PRKN: variants seen among roughly 807,000 people sequenced by gnomAD.
PRKN encodes the protein parkin RBR E3 ubiquitin protein ligase, also known as E3 ubiquitin-protein ligase parkin.
A neutral mutation model predicts 59.5 loss-of-function variants in PRKN; 56 were observed. That is an observed-to-expected ratio of 0.94 (90% CI 0.76 to 1.18). PRKN has a LOEUF of 1.18. Ranked by LOEUF, PRKN falls within the 50% of genes most tolerant of loss-of-function variation. The pLI is 0.00. For synonymous variants in PRKN, 250 were observed against 222.1 expected (o/e 1.13, Z -1.12); for missense variants, 657 against 596.4 (o/e 1.10, Z -1.06).
At chr6:162,191,583 T>C (rs1784278951) in intron 4 of PRKN, among the ~76,000 whole-genome samples, 1 of 152,224 alleles carries the variant, frequency 6.6e-6, no homozygotes, top group South Asian at 2.1e-4. Flanking sequence ...GCTGGGATTA[T>C]AGGCACATGC....
intron 7 of PRKN, among the ~76,000 whole-genome samples, chr6:161,639,885 C>T (rs1051589407): frequency 1.4e-4 from 21 of 152,316 alleles, no homozygotes; most frequent in African/African-American, 5.1e-4. Context: ...AAATTCTGCT[C>T]TGTGGGGGAC....
At chr6:162,142,904 A>G (rs1038186098) in intron 4 of PRKN, among the ~76,000 whole-genome samples, 3 of 152,256 alleles carry the variant, frequency 2.0e-5, no homozygotes, top group Admixed American at 2.0e-4. Flanking sequence ...CTAGAATTGA[A>G]TAAAAAATTA....
chr6:162,649,774 G>A (rs964089725), intron 1 of PRKN, among the ~76,000 whole-genome samples: 1 of 152,158 alleles, frequency 6.6e-6, no homozygotes, highest in Non-Finnish European at 1.5e-5. Flanking sequence ...ACTGGAACCT[G>A]CCAGCCCTTC....
At chr6:162,726,045 T>G (rs1290041548) in intron 1 of PRKN, among the ~76,000 whole-genome samples, 1 of 152,206 alleles carries the variant, frequency 6.6e-6, no homozygotes, top group African/African-American at 2.4e-5. Context: ...TCCAAAGATA[T>G]TTCTTCCTTA....
At chr6:161,679,418 CCT>C (rs778964919) in intron 7 of PRKN, among the ~76,000 whole-genome samples, 5 of 152,106 alleles carry the variant, frequency 3.3e-5, no homozygotes, top group Non-Finnish European at 7.4e-5. Context: ...GCCTCTGACC[CCT>C]GAGCCACACT....
At chr6:162,506,115 G>A (rs1346937477) in intron 1 of PRKN, among the ~76,000 whole-genome samples, 1 of 152,076 alleles carries the variant, frequency 6.6e-6, no homozygotes, top group African/African-American at 2.4e-5. Flanking sequence ...CAGCTATATG[G>A]AATGAAATCT....
chr6:162,398,647 C>T (rs1212090605), intron 2 of PRKN, among the ~76,000 whole-genome samples: 1 of 152,198 alleles, frequency 6.6e-6, no homozygotes, highest in African/African-American at 2.4e-5. Context: ...GCCTCAGCCT[C>T]CCAAAGTGCT....
chr6:162,024,188 C>A lies in PRKN; in HGVS notation c.618+29903G>T, dbSNP rs529343401. Among the ~76,000 whole-genome samples the A allele has an allele frequency of 2.1e-3, 295 of 141,816 alleles. 4 individuals carry two copies. Among genetic ancestry groups the A allele is most frequent in the African/African-American group, 7.3e-3 (275 of 37,904 alleles). The allele number at this position is 141,816 out of a possible 152,430, so 93.0% of individuals were successfully genotyped here. ...GTCCCTCCCTTCCTCCCTCCCTCCC[C>A]CAACCCTTTTTTTTTTTTTTTTTTT... is the stretch of plus-strand genomic sequence containing the variant. On this transcript the variant is annotated intron_variant, in intron 5 of 11. Transcript: ENST00000366898.
intron 1 of PRKN, among the ~76,000 whole-genome samples, chr6:162,619,398 G>A (rs761185873): frequency 2.3e-4 from 35 of 151,800 alleles, no homozygotes; most frequent in Non-Finnish European, 4.7e-4. Context: ...CGCCCGCCTC[G>A]GCCTCCCAAA....
chr6:162,475,931 T>G (rs1466009969), intron 1 of PRKN, among the ~76,000 whole-genome samples: 1 of 150,826 alleles, frequency 6.6e-6, no homozygotes, highest in Non-Finnish European at 1.5e-5. Context: ...TTTGTATTTT[T>G]AGTAGAGACA....
chr6:162,569,449 C>G, intron 1 of PRKN: 2 of 687,964 alleles, frequency 2.9e-6, no homozygotes, highest in Non-Finnish European at 5.5e-6. Context: ...TTGCCACCTA[C>G]AGGAAGCTGC....
At chr6:161,884,787 T>A (rs1051528894) in intron 6 of PRKN, among the ~76,000 whole-genome samples, 3 of 130,088 alleles carry the variant, frequency 2.3e-5, no homozygotes, top group African/African-American at 5.8e-5. Context: ...GATCTATATA[T>A]GAAATGTACA....
At chr6:161,809,153 T>C (rs1791457931) in intron 6 of PRKN, among the ~76,000 whole-genome samples, 2 of 152,230 alleles carry the variant, frequency 1.3e-5, no homozygotes, top group Non-Finnish European at 2.9e-5. Flanking sequence ...ATCATATTCA[T>C]TTAACTTTAA....
chr6:162,418,074 C>A (rs1369898259), intron 2 of PRKN, among the ~76,000 whole-genome samples: 1 of 152,152 alleles, frequency 6.6e-6, no homozygotes, highest in East Asian at 1.9e-4. Flanking sequence ...ATGGTAGCAT[C>A]ATTCACGATA....
At position 162,081,272 on chromosome 6, in the gene PRKN, C is replaced by A. The variant is rs1779045297; in HGVS notation, c.535-27098G>T. Among the ~76,000 whole-genome samples the A allele has an allele frequency of 2.0e-5, 3 of 152,134 alleles. No homozygotes were observed. In the South Asian group the frequency reaches 6.2e-4, roughly 32 times the overall value. On this transcript the variant is annotated intron_variant, in intron 4 of 11. Coordinates refer to ENST00000366898, the MANE Select transcript of PRKN (RefSeq NM_004562.3). ...TTCCAGAAAGTTTTCAGTTTACTTT[C>A]CCCAGATCCATCAGAGAAATGTAAT...
At chr6:162,061,749 C>T (rs1370181774) in intron 4 of PRKN, among the ~76,000 whole-genome samples, 1 of 152,186 alleles carries the variant, frequency 6.6e-6, no homozygotes, top group African/African-American at 2.4e-5. Context: ...AAATATTCAT[C>T]CACTTACCAA....
chr6:162,440,760 TTC>T (rs781068367), intron 2 of PRKN, among the ~76,000 whole-genome samples: 2 of 152,140 alleles, frequency 1.3e-5, no homozygotes, highest in Admixed American at 6.5e-5. Flanking sequence ...AAGGTCCATC[TTC>T]TTTTTCTCAG....
intron 2 of PRKN, among the ~76,000 whole-genome samples, chr6:162,378,629 T>G (rs868303864): frequency 6.6e-6 from 1 of 152,272 alleles, no homozygotes; most frequent in Non-Finnish European, 1.5e-5. Flanking sequence ...CAAGTGCCTA[T>G]GCACAGAATT....
intron 6 of PRKN, among the ~76,000 whole-genome samples, chr6:161,838,943 A>C (rs1258261348): frequency 1.3e-5 from 2 of 152,158 alleles, no homozygotes; most frequent in Non-Finnish European, 2.9e-5. Context: ...GGGGCCTGAC[A>C]AGCACAAGCC....
Sources: allele counts gnomAD v4.1 joint callset (sites outside exome capture counted in the v4.1 genomes callset), GRCh38; gene constraint gnomAD v4.1.1; transcripts MANE v1.5; gene names NCBI Gene and HGNC (gene_info 2026-07-23, HGNC 2026-07-21).